Variants in STK32B observed in about 807,000 individuals in gnomAD.
STK32B encodes the protein serine/threonine-protein kinase 32B.
STK32B carries 43 observed loss-of-function variants against 52.6 expected under a neutral mutation model. The ratio of observed to expected loss-of-function variants is 0.82; its 90% CI spans 0.64 to 1.05. The LOEUF (loss-of-function observed/expected upper bound fraction) is 1.05, where lower values mean the gene tolerates loss of function less well. STK32B is among the 50% of genes least tolerant of loss of function. The probability of loss-of-function intolerance (pLI) is 0.00; values close to 1 mark genes in which losing one functional copy is unlikely to be tolerated. For synonymous variants in STK32B, 238 were observed against 204.3 expected (o/e 1.17, Z -1.41); for missense variants, 621 against 534.6 (o/e 1.16, Z -1.59).
In STK32B at chr4:5,087,534, A is replaced by G. The variant is rs375655733; in HGVS notation, c.52+35619A>G. 9.2e-5 allele frequency among the ~76,000 whole-genome samples: 14 copies of G among 152,202 alleles called. No individual in the cohort carries two copies. The South Asian group carries it at 2.9e-3, about 32-fold the overall frequency. On this transcript the variant is annotated intron_variant, in intron 1 of 11. Transcript: ENST00000282908. The stretch of plus-strand genomic sequence containing the variant: ...AATGGATAAAAAACAGCTATATGCT[A>G]TCTAGAAGAAACTCATTTTAAATTC...
intron 8 of STK32B, among the ~76,000 whole-genome samples, chr4:5,458,252 C>T (rs1195904073): frequency 6.6e-6 from 1 of 152,180 alleles, no homozygotes; most frequent in East Asian, 1.9e-4. Flanking sequence ...GCTCCCTTCA[C>T]ATCCTCCACG....
intron 4 of STK32B, among the ~76,000 whole-genome samples, chr4:5,352,257 G>A (rs1283457552): frequency 1.3e-5 from 2 of 152,034 alleles, no homozygotes; most frequent in Non-Finnish European, 2.9e-5. Flanking sequence ...TGATCAAGTA[G>A]AATTTATCTC....
chr4:5,222,939 C>A (rs1331593308), intron 3 of STK32B, among the ~76,000 whole-genome samples: 2 of 152,206 alleles, frequency 1.3e-5, no homozygotes, highest in South Asian at 4.1e-4. Context: ...ACCCAGAGAT[C>A]TTTGGGATAG....
At chr4:5,137,660 AGACT>A (rs1253763577) in intron 1 of STK32B, among the ~76,000 whole-genome samples, 2 of 152,244 alleles carry the variant, frequency 1.3e-5, no homozygotes. Context: ...CGCTAATGAC[AGACT>A]GACTGAATAG....
intron 5 of STK32B, among the ~76,000 whole-genome samples, chr4:5,407,611 A>G (rs932904960): frequency 6.6e-6 from 1 of 152,090 alleles, no homozygotes; most frequent in Non-Finnish European, 1.5e-5. Context: ...CGGAAGGTGA[A>G]GGGGAAGTAA....
At chr4:5,361,709 A>G (rs1245141455) in intron 4 of STK32B, among the ~76,000 whole-genome samples, 1 of 152,228 alleles carries the variant, frequency 6.6e-6, no homozygotes, top group Non-Finnish European at 1.5e-5. Flanking sequence ...CTTAAACTGG[A>G]CTAGAATTCT....
chr4:5,142,529 A>G (rs1389065094), intron 2 of STK32B, among the ~76,000 whole-genome samples: 1 of 152,224 alleles, frequency 6.6e-6, no homozygotes. Flanking sequence ...CTATATGCAC[A>G]TTTAACAGTG....
rs1057395001 is a variant in STK32B at position 5,400,787 on chromosome 4, A to G, written c.472+2543A>G. The stretch of plus-strand genomic sequence containing the variant: ...TTTTGAGCAGAGCCTGAAGCTGGCC[A>G]TTCTTGCCTTTGTCTTTCCCTCAGT... On this transcript the variant is annotated intron_variant, in intron 5 of 11. Transcript: ENST00000282908. The surrounding 1 kb of genome is among the most constrained non-coding windows in gnomAD (Gnocchi z 6.1). Among the ~76,000 whole-genome samples the G allele has an allele frequency of 1.3e-5, 2 of 152,166 alleles. No individual in the cohort carries two copies. The highest frequency in any genetic ancestry group is 4.8e-5 in the African/African-American group (2 of 41,428).
In STK32B at chr4:5,358,697, ACATG is replaced by A. The variant is rs761482285; in HGVS notation, c.434+27307_434+27310del. Among the ~76,000 whole-genome samples the A allele has an allele frequency of 4.0e-3, 398 of 98,900 alleles. 2 individuals carry two copies. The highest frequency in any genetic ancestry group is 5.8e-3 in the Non-Finnish European group (290 of 50,400). The allele number at this position is 98,900 out of a possible 152,430, so 64.9% of individuals were successfully genotyped here. On this transcript the variant is annotated intron_variant, in intron 4 of 11. Coordinates refer to ENST00000282908, the MANE Select transcript of STK32B (RefSeq NM_018401.3). ...AGGACATGCCAGGACACATTCACACACATGCACACACACACACACACACACAGGC... is the reference window on the plus strand; with the variant it reads ...AGGACATGCCAGGACACATTCACACACACACACACACACACACACACAGGC...
chr4:5,439,204 T>G lies in STK32B; in HGVS notation c.563-7469T>G, dbSNP rs2109105153. On this transcript the variant is annotated intron_variant, in intron 6 of 11. Transcript: ENST00000282908. Reference sequence around the variant, plus strand: ...CTGACTTCCACAATGGTTGAACTAGTTTACAGTCCCACCAACAGTGTGAAA... The same window carrying G: ...CTGACTTCCACAATGGTTGAACTAGGTTACAGTCCCACCAACAGTGTGAAA... Among the ~76,000 whole-genome samples, 3 of 149,950 alleles carry G rather than the reference T, an allele frequency of 2.0e-5. No homozygotes were observed. In the South Asian group the frequency reaches 6.4e-4, roughly 32 times the overall value.
chr4:5,412,845 A>G (rs941566304), intron 5 of STK32B, among the ~76,000 whole-genome samples: 1 of 152,180 alleles, frequency 6.6e-6, no homozygotes, highest in African/African-American at 2.4e-5. Flanking sequence ...CATTCACAGC[A>G]GCTGAAAGAG....
At chr4:5,456,571 C>G (rs866178399) in intron 7 of STK32B, among the ~76,000 whole-genome samples, 2 of 152,112 alleles carry the variant, frequency 1.3e-5, no homozygotes, top group Admixed American at 6.5e-5. Context: ...GTGAGCCACC[C>G]CTAACATGCT....
At chr4:5,430,682 A>G (rs924070067) in intron 6 of STK32B, among the ~76,000 whole-genome samples, 1 of 152,186 alleles carries the variant, frequency 6.6e-6, no homozygotes, top group Non-Finnish European at 1.5e-5. Context: ...TGTTTCTTTT[A>G]CTACTATGCT....
intron 3 of STK32B, among the ~76,000 whole-genome samples, chr4:5,258,562 T>C (rs563459863): frequency 6.6e-6 from 1 of 152,244 alleles, no homozygotes; most frequent in South Asian, 2.1e-4. Flanking sequence ...GTGTGAGCCC[T>C]CAAACATCAG....
chr4:5,142,303 G>A (rs1432697616), intron 2 of STK32B, among the ~76,000 whole-genome samples: 1 of 152,164 alleles, frequency 6.6e-6, no homozygotes, highest in South Asian at 2.1e-4. Flanking sequence ...AGTATTTTCT[G>A]ATGATTTCTG....
At chr4:5,035,341 T>C in the STK32B span, among the ~76,000 whole-genome samples, 1 of 152,226 alleles carries the variant, frequency 6.6e-6, no homozygotes, top group Admixed American at 6.5e-5. Flanking sequence ...AGTAAATGAT[T>C]AAGAAGATGT....
At chr4:5,052,643 C>A (rs1345405928) in intron 1 of STK32B, among the ~76,000 whole-genome samples, 1 of 152,182 alleles carries the variant, frequency 6.6e-6, no homozygotes, top group African/African-American at 2.4e-5. Flanking sequence ...GTCCCTTCAT[C>A]AATGAAATGT....
chr4:5,330,179 CG>C (rs150643971), intron 3 of STK32B, among the ~76,000 whole-genome samples: 3,748 of 152,236 alleles, frequency 0.025, 149 homozygotes, highest in African/African-American at 0.085. Context: ...CTTGCTGATT[CG>C]GTCTAATATC....
chr4:5,089,661 C>T (rs1489714848), intron 1 of STK32B, among the ~76,000 whole-genome samples: 2 of 152,102 alleles, frequency 1.3e-5, no homozygotes, highest in Admixed American at 6.6e-5. Context: ...TAGCAATAAA[C>T]CTAGGTGTGC....
Sources: gnomAD v4.1 joint callset for allele counts (sites outside exome capture counted in the v4.1 genomes callset) on GRCh38, gnomAD v4.1.1 for gene constraint, Gnocchi (gnomAD v3.1) non-coding constraint, MANE v1.5 for transcripts, NCBI Gene and HGNC (gene_info 2026-07-23, HGNC 2026-07-21) for gene names.